ATXN2: variants seen among roughly 807,000 people sequenced by gnomAD.
ATXN2 encodes ataxin 2.
ATXN2 carries 37 observed loss-of-function variants against 138.6 expected under a neutral mutation model. That is an observed-to-expected ratio of 0.27 (90% CI 0.21 to 0.35). The LOEUF is 0.35. Ranked by LOEUF, ATXN2 falls within the 10% of genes least tolerant of loss-of-function variation. The pLI, the probability that ATXN2 is intolerant of heterozygous loss-of-function variation, is 1.00. For synonymous variants in ATXN2, 549 were observed against 543.7 expected (o/e 1.01, Z -0.13); for missense variants, 1,216 against 1,480.3 (o/e 0.82, Z 2.93).
intron 18 of ATXN2, among the ~76,000 whole-genome samples, chr12:111,475,023 C>T (rs1391054384): frequency 6.6e-6 from 1 of 152,072 alleles, no homozygotes; most frequent in African/African-American, 2.4e-5. Flanking sequence ...ACCATCCTGG[C>T]TAACACGGTG....
At position 111,554,228 on chromosome 12, in the gene ATXN2, A is replaced by T. The variant is rs1324553819; in HGVS notation, c.289-11T>A. 13 of 461,510 alleles carry T rather than the reference A, an allele frequency of 2.8e-5. No homozygotes were observed. Among genetic ancestry groups the T allele is most frequent in the Non-Finnish European group, 3.4e-5 (11 of 326,640 alleles). The allele number at this position is 461,510 out of a possible 1,614,324, so 28.6% of individuals were successfully genotyped here. A position where few individuals can be genotyped will look rare whatever the true frequency, so the allele number is the denominator to read the frequency against. On this transcript the variant is annotated splice_polypyrimidine_tract_variant and intron_variant, in intron 2 of 24. Coordinates refer to ENST00000673436, the MANE Select transcript of ATXN2 (RefSeq NM_001372574.1). ...TCCATCAAAAGAAATCTGGAATATT[A>T]AAAAAAAAAAAAACTATTAGAAATT...
chr12:111,514,402 C>A (rs1376931232), intron 10 of ATXN2, among the ~76,000 whole-genome samples: 1 of 152,186 alleles, frequency 6.6e-6, no homozygotes, highest in East Asian at 1.9e-4. Context: ...ATCAGAGAAG[C>A]CTACTGGTGT....
In ATXN2 at chr12:111,510,395, A is replaced by T; in HGVS notation, c.1746T>A (p.Pro582=). The stretch of plus-strand genomic sequence containing the variant: ...CCCTTTGTTACATACCCTCACTAGA[A>T]GGGGTAACAGCTCTGTTCGATGCAG... The part of the protein sequence containing the change: ...ASPASNRAVT[P]SSEAKDSRLQ... The change falls in exon 12 of 25, where the codon CCT becomes CCA. Residue 582 remains proline (P), a synonymous_variant. Transcript: ENST00000673436. The T allele has an allele frequency of 6.2e-7, 1 of 1,613,998 alleles. No individual in the cohort carries two copies. Among genetic ancestry groups the T allele is most frequent in the Non-Finnish European group, 8.5e-7 (1 of 1,179,912 alleles).
chr12:111,569,708 C>G (rs1260136990), intron 1 of ATXN2, among the ~76,000 whole-genome samples: 1 of 151,978 alleles, frequency 6.6e-6, no homozygotes, highest in Admixed American at 6.6e-5. Flanking sequence ...AGAGCGAGAC[C>G]CTGTCTTAAA....
At chr12:111,536,392 A>G (rs1292974155) in intron 5 of ATXN2, among the ~76,000 whole-genome samples, 1 of 152,216 alleles carries the variant, frequency 6.6e-6, no homozygotes, top group African/African-American at 2.4e-5. Context: ...ATCTACAGTG[A>G]GATACTACTT....
Position 111,598,577 on chromosome 12 carries a change from G to A in ATXN2, c.251+207C>T, listed in dbSNP as rs1885059716. 1.0e-6 allele frequency: 1 copy of A among 984,160 alleles called. No homozygotes were observed. The highest frequency in any genetic ancestry group is 5.2e-4 in the Middle Eastern group (1 of 1,922). The allele number at this position is 984,160 out of a possible 1,614,324, so 61.0% of individuals were successfully genotyped here. On this transcript the variant is annotated intron_variant, in intron 1 of 24. Transcript: ENST00000673436. This position sits in a 1 kb window ranked among gnomAD's most constrained non-coding sequence, Gnocchi z 4.5. ...GGAGGGGGCGGGGATGCTGCGGGAG[G>A]CTGGACAGGCCTGACAATCCCAGAG...
chr12:111,539,708 T>A (rs1342443871), intron 5 of ATXN2, among the ~76,000 whole-genome samples: 1 of 148,960 alleles, frequency 6.7e-6, no homozygotes, highest in Non-Finnish European at 1.5e-5. Context: ...GAGATCGCGC[T>A]ACTGCACTCC....
intron 14 of ATXN2, among the ~76,000 whole-genome samples, chr12:111,492,401 G>A (rs1020130411): frequency 3.3e-5 from 5 of 152,130 alleles, no homozygotes; most frequent in African/African-American, 4.8e-5. Context: ...AGAAGAATGG[G>A]AGCCGGATGC....
At chr12:111,593,763 G>A (rs1425929395) in intron 1 of ATXN2, among the ~76,000 whole-genome samples, 1 of 152,206 alleles carries the variant, frequency 6.6e-6, no homozygotes, top group African/African-American at 2.4e-5. Context: ...TCTTTGGTTA[G>A]TAATAGCCAT....
At position 111,528,271 on chromosome 12, in the gene ATXN2, A is replaced by ATG. The variant is rs1011180130; in HGVS notation, c.572-2957_572-2956dup. ...ACGGATTTTTTTCTCACTACAGGGT[A>ATG]TGTGTGTGTGTGTGAAAATATTTAG... is the stretch of plus-strand genomic sequence containing the variant. On this transcript the variant is annotated intron_variant, in intron 5 of 24. Coordinates refer to ENST00000673436, the MANE Select transcript of ATXN2 (RefSeq NM_001372574.1). Among the ~76,000 whole-genome samples the ATG allele has an allele frequency of 7.2e-5, 11 of 152,100 alleles. No homozygotes were observed. The South Asian group carries it at 1.0e-3, about 14-fold the overall frequency.
intron 5 of ATXN2, among the ~76,000 whole-genome samples, chr12:111,534,359 A>G (rs1881020580): frequency 1.3e-5 from 2 of 151,994 alleles, no homozygotes; most frequent in East Asian, 1.9e-4. Context: ...CAAGATCTGC[A>G]TCACCACACT....
intron 21 of ATXN2, among the ~76,000 whole-genome samples, chr12:111,458,807 T>C (rs1437961522): frequency 6.6e-6 from 1 of 152,206 alleles, no homozygotes; most frequent in Non-Finnish European, 1.5e-5. Flanking sequence ...GTCACCAGCA[T>C]AGACGGCTCT....
intron 5 of ATXN2, among the ~76,000 whole-genome samples, chr12:111,534,826 ATTCTAT>A (rs1881056010): frequency 6.6e-6 from 1 of 152,108 alleles, no homozygotes; most frequent in Non-Finnish European, 1.5e-5. Context: ...AAACTGACCT[ATTCTAT>A]ACTAAAAAGA....
rs71083183 is a variant in ATXN2 at position 111,592,782 on chromosome 12, C to CAAAA, written c.251+5998_251+6001dup. Reference sequence around the variant, plus strand: ...TGGGCGACAGAGCAAGACTCCGTCTCAAAAAAAAAAAAAAAAAAAAAAGAT... The same window carrying CAAAA: ...TGGGCGACAGAGCAAGACTCCGTCTCAAAAAAAAAAAAAAAAAAAAAAAAAAGAT... On this transcript the variant is annotated intron_variant, in intron 1 of 24. Coordinates refer to ENST00000673436, the MANE Select transcript of ATXN2 (RefSeq NM_001372574.1). Among the ~76,000 whole-genome samples, 137 of 26,016 alleles carry CAAAA rather than the reference C, an allele frequency of 5.3e-3. 18 individuals are homozygous for CAAAA. Among genetic ancestry groups the CAAAA allele is most frequent in the South Asian group, 8.0e-3 (4 of 500 alleles). 17.1% of individuals were successfully genotyped at this position (26,016 alleles called of 152,430 possible).
At chr12:111,475,229 G>A (rs1236160563) in intron 18 of ATXN2, among the ~76,000 whole-genome samples, 2 of 150,202 alleles carry the variant, frequency 1.3e-5, no homozygotes, top group Admixed American at 1.3e-4. Context: ...AAAAAGGCTG[G>A]GCTACTTGGG....
In ATXN2 at chr12:111,598,547, C is replaced by A. The variant is rs1398592847; in HGVS notation, c.251+237G>T. 1.0e-6 allele frequency: 1 copy of A among 982,846 alleles called. No individual in the cohort carries two copies. Among genetic ancestry groups the A allele is most frequent in the African/African-American group, 1.8e-5 (1 of 56,530 alleles). The allele number at this position is 982,846 out of a possible 1,614,324, so 60.9% of individuals were successfully genotyped here. ...CCGCCCGCTCCCTCCATCTTGACCG[C>A]CGGGGGAGGGGGCGGGGATGCTGCG... On this transcript the variant is annotated intron_variant, in intron 1 of 24. Transcript: ENST00000673436. The surrounding 1 kb of genome is among the most constrained non-coding windows in gnomAD (Gnocchi z 4.5).
At chr12:111,576,526 C>G (rs1356851311) in intron 1 of ATXN2, among the ~76,000 whole-genome samples, 1 of 152,074 alleles carries the variant, frequency 6.6e-6, no homozygotes, top group Non-Finnish European at 1.5e-5. Flanking sequence ...CTCTGTCACC[C>G]AGGCTGAAGT....
Position 111,554,178 on chromosome 12 carries a change from G to T in ATXN2, c.328C>A (p.His110Asn). 1 of 1,485,992 alleles carries T rather than the reference G, an allele frequency of 6.7e-7. No homozygotes were observed. Among genetic ancestry groups the T allele is most frequent in the South Asian group, 1.3e-5 (1 of 75,490 alleles). 92.1% of individuals were successfully genotyped at this position (1,485,992 alleles called of 1,614,324 possible). A position where few individuals can be genotyped will look rare whatever the true frequency, so the allele number is the denominator to read the frequency against. Residue 110 changes from histidine (H) to asparagine (N), a missense_variant, in exon 3 of 25, where the codon CAT becomes AAT. By Grantham distance (68) the His-to-Asn change is moderately conservative. Transcript: ENST00000673436. ...CTTACAACAACTGATGTAAGTATAT[G>T]AACCATCCTCATATTTGCATAGATT... is the stretch of plus-strand genomic sequence containing the variant. ...DGIYANMRMV[H>N]ILTSVVGSKC...
At chr12:111,572,011 CAAA>C (rs10632970) in intron 1 of ATXN2, among the ~76,000 whole-genome samples, 5 of 89,690 alleles carry the variant, frequency 5.6e-5, no homozygotes, top group African/African-American at 8.4e-5. Flanking sequence ...GACTCTGTCT[CAAA>C]AAAAAAAAAA....
Sources: gnomAD v4.1 joint callset for allele counts (sites outside exome capture counted in the v4.1 genomes callset) on GRCh38, gnomAD v4.1.1 for gene constraint, Gnocchi (gnomAD v3.1) non-coding constraint, MANE v1.5 for transcripts, NCBI Gene and HGNC (gene_info 2026-07-23, HGNC 2026-07-21) for gene names.